Variants in GRM7 observed in about 807,000 individuals in gnomAD.
GRM7 encodes the protein metabotropic glutamate receptor 7.
A neutral mutation model predicts 84.5 loss-of-function variants in GRM7; 35 were observed. The ratio of observed to expected loss-of-function variants is 0.41; its 90% CI spans 0.32 to 0.55. GRM7 has a LOEUF of 0.55. GRM7 is among the 20% of genes least tolerant of loss of function. The pLI is 0.19. For missense variants in GRM7, 1,003 were observed against 1,194.6 expected (o/e 0.84, Z 2.36); for synonymous variants, 487 against 455.1 (o/e 1.07, Z -0.89).
At chr3:7,618,106 A>G (rs1697189247) in intron 8 of GRM7, among the ~76,000 whole-genome samples, 1 of 152,140 alleles carries the variant, frequency 6.6e-6, no homozygotes, top group Non-Finnish European at 1.5e-5. Flanking sequence ...CAGGCAAACA[A>G]GTGCGTAATA....
chr3:7,341,507 G>C (rs140350998), intron 4 of GRM7, among the ~76,000 whole-genome samples: 35 of 152,034 alleles, frequency 2.3e-4, no homozygotes, highest in African/African-American at 8.0e-4. Flanking sequence ...CACACGGCCT[G>C]ACTCAGTACC....
chr3:7,576,458 A>T (rs1442827627), intron 7 of GRM7, among the ~76,000 whole-genome samples: 1 of 152,222 alleles, frequency 6.6e-6, no homozygotes, highest in African/African-American at 2.4e-5. Context: ...CTCCTGAGCC[A>T]TTTATTTTTC....
At chr3:7,431,922 GT>G (rs113471500) in intron 5 of GRM7, among the ~76,000 whole-genome samples, 57,812 of 151,874 alleles carry the variant, frequency 0.38, 11,575 homozygotes, top group Non-Finnish European at 0.44. Context: ...CTAGCAGGAT[GT>G]TTTTTTATTT....
chr3:7,675,075 A>C (rs1700073390), intron 8 of GRM7, among the ~76,000 whole-genome samples: 1 of 152,210 alleles, frequency 6.6e-6, no homozygotes, highest in Admixed American at 6.5e-5. Context: ...ATATAGATAA[A>C]AGTGGTGATT....
chr3:7,334,626 A>G (rs1380287811), intron 4 of GRM7, among the ~76,000 whole-genome samples: 2 of 152,188 alleles, frequency 1.3e-5, no homozygotes, highest in African/African-American at 4.8e-5. Flanking sequence ...ACAGAATGGC[A>G]GAACAGATTA....
intron 5 of GRM7, among the ~76,000 whole-genome samples, chr3:7,419,428 G>T (rs768627351): frequency 6.6e-6 from 1 of 152,124 alleles, no homozygotes; most frequent in Admixed American, 6.6e-5. Context: ...CTGAGGAGCT[G>T]TGTCCTTACA....
chr3:7,549,027 A>G (rs1250193465), intron 7 of GRM7, among the ~76,000 whole-genome samples: 1 of 152,140 alleles, frequency 6.6e-6, no homozygotes, highest in Non-Finnish European at 1.5e-5. Flanking sequence ...AGAGAGAGAG[A>G]GTATGTATCC....
chr3:7,572,875 T>TAA (rs1559411985), intron 7 of GRM7, among the ~76,000 whole-genome samples: 3 of 66,442 alleles, frequency 4.5e-5, no homozygotes, highest in African/African-American at 1.8e-4. Flanking sequence ...TATATATATA[T>TAA]ATATAAATAA....
chr3:7,375,674 C>G (rs1468356422), intron 4 of GRM7, among the ~76,000 whole-genome samples: 1 of 152,144 alleles, frequency 6.6e-6, no homozygotes, highest in Admixed American at 6.6e-5. Context: ...CACCTCCATC[C>G]AACCCCAATC....
intron 4 of GRM7, among the ~76,000 whole-genome samples, chr3:7,406,223 G>T (rs946852607): frequency 2.0e-5 from 3 of 151,986 alleles, no homozygotes; most frequent in African/African-American, 4.8e-5. Context: ...TCTATCGGCC[G>T]GGCGTGGTGG....
At chr3:6,927,505 G>GA (rs1697352440) in intron 1 of GRM7, among the ~76,000 whole-genome samples, 1 of 143,950 alleles carries the variant, frequency 6.9e-6, no homozygotes, top group African/African-American at 2.5e-5. Context: ...AAGAAAGAAA[G>GA]AAAGAAAGAA....
intron 4 of GRM7, among the ~76,000 whole-genome samples, chr3:7,382,020 G>A (rs1181936764): frequency 6.6e-6 from 1 of 152,006 alleles, no homozygotes; most frequent in African/African-American, 2.4e-5. Flanking sequence ...CCCAAAATGA[G>A]TTAAGTCACT....
chr3:7,262,791 G>A (rs1698482126), intron 2 of GRM7, among the ~76,000 whole-genome samples: 1 of 152,208 alleles, frequency 6.6e-6, no homozygotes, highest in South Asian at 2.1e-4. Context: ...TCCACCTCCT[G>A]GGTTCAAGCA....
At chr3:7,603,153 G>A (rs1056510695) in intron 8 of GRM7, among the ~76,000 whole-genome samples, 9 of 152,010 alleles carry the variant, frequency 5.9e-5, no homozygotes, top group South Asian at 2.1e-4. Flanking sequence ...CATGCCCTTC[G>A]ATCAAACTTG....
At chr3:7,723,988 A>C (rs937973896) in intron 9 of GRM7, among the ~76,000 whole-genome samples, 1 of 152,190 alleles carries the variant, frequency 6.6e-6, no homozygotes, top group Non-Finnish European at 1.5e-5. Flanking sequence ...ATTCTAAGCT[A>C]GCTTCAAAGC....
At chr3:7,472,802 C>T (rs1698755811) in intron 7 of GRM7, among the ~76,000 whole-genome samples, 1 of 152,182 alleles carries the variant, frequency 6.6e-6, no homozygotes, top group African/African-American at 2.4e-5. Context: ...GGAATAATAA[C>T]TTAGTCGTGC....
intron 1 of GRM7, among the ~76,000 whole-genome samples, chr3:7,099,179 A>G (rs767371649): frequency 2.0e-5 from 3 of 148,872 alleles, no homozygotes; most frequent in Non-Finnish European, 4.4e-5. Flanking sequence ...CGCAGGTTTA[A>G]TTGCATATAT....
chr3:7,249,858 A>G (rs1260748679), intron 2 of GRM7, among the ~76,000 whole-genome samples: 3 of 152,134 alleles, frequency 2.0e-5, no homozygotes, highest in Admixed American at 6.5e-5. Flanking sequence ...GGCCTGCACT[A>G]ATACTATCTT....
intron 7 of GRM7, among the ~76,000 whole-genome samples, chr3:7,541,654 T>C (rs1031018760): frequency 2.0e-5 from 3 of 152,188 alleles, no homozygotes; most frequent in African/African-American, 7.2e-5. Context: ...TCCATTTGTA[T>C]TGTGACAACC....
Sources: allele counts gnomAD v4.1 joint callset (sites outside exome capture counted in the v4.1 genomes callset), GRCh38; gene constraint gnomAD v4.1.1; transcripts MANE v1.5; gene names NCBI Gene and HGNC (gene_info 2026-07-23, HGNC 2026-07-21).